IQSEC1: variants seen among roughly 807,000 people sequenced by gnomAD.
The protein encoded by IQSEC1 is IQ motif and SEC7 domain-containing protein 1.
A neutral mutation model predicts 91.0 loss-of-function variants in IQSEC1; 31 were observed. The ratio of observed to expected loss-of-function variants is 0.34; its 90% CI spans 0.26 to 0.46. The LOEUF (loss-of-function observed/expected upper bound fraction) is 0.46. Among genes scored for constraint, IQSEC1 ranks in the 20% least tolerant of loss-of-function variants. The pLI is 1.00. For synonymous variants in IQSEC1, 699 were observed against 662.6 expected (o/e 1.05, Z -0.84); for missense variants, 1,388 against 1,575.6 (o/e 0.88, Z 2.02).
intron 1 of IQSEC1, among the ~76,000 whole-genome samples, chr3:12,952,169 G>A (rs1263993737): frequency 6.6e-6 from 1 of 152,160 alleles, no homozygotes; most frequent in Non-Finnish European, 1.5e-5. Context: ...GAGAAATGAG[G>A]ATATCCAGGA....
At chr3:13,010,764 T>A (rs1401244735) in intron 1 of IQSEC1, among the ~76,000 whole-genome samples, 1 of 152,198 alleles carries the variant, frequency 6.6e-6, no homozygotes, top group Admixed American at 6.5e-5. Flanking sequence ...GGCTCCTTCA[T>A]GCCTGCAGGG....
At chr3:13,163,160 C>T (rs1052027096) in intron 2 of IQSEC1, among the ~76,000 whole-genome samples, 12 of 152,170 alleles carry the variant, frequency 7.9e-5, no homozygotes, top group African/African-American at 2.9e-4. Flanking sequence ...TTCAGCACCC[C>T]CTGTGCTGCC....
intron 1 of IQSEC1, among the ~76,000 whole-genome samples, chr3:13,280,410 C>T (rs1001849557): frequency 1.3e-5 from 2 of 152,224 alleles, no homozygotes; most frequent in Admixed American, 1.3e-4. Flanking sequence ...CCATGGTTTG[C>T]TGAGCAGCCC....
intron 1 of IQSEC1, among the ~76,000 whole-genome samples, chr3:12,989,275 G>A (rs1023900170): frequency 3.3e-5 from 5 of 152,228 alleles, no homozygotes; most frequent in Non-Finnish European, 7.3e-5. Context: ...CATAGTAGGT[G>A]CTCCATAAAT....
At chr3:13,120,493 G>C (rs533994844) in intron 2 of IQSEC1, among the ~76,000 whole-genome samples, 22 of 152,310 alleles carry the variant, frequency 1.4e-4, no homozygotes, top group African/African-American at 4.6e-4. Context: ...TCTGGGCTCC[G>C]TGTACTCCTC....
At chr3:13,084,587 C>T (rs1210822925) in intron 2 of IQSEC1, among the ~76,000 whole-genome samples, 2 of 152,164 alleles carry the variant, frequency 1.3e-5, no homozygotes, top group South Asian at 4.1e-4. Context: ...ACTCTGATGG[C>T]AGAAACAGTG....
At chr3:13,003,379 A>G (rs1163918111) in intron 1 of IQSEC1, among the ~76,000 whole-genome samples, 2 of 151,918 alleles carry the variant, frequency 1.3e-5, no homozygotes, top group East Asian at 3.9e-4. Context: ...AAAGCTAGAC[A>G]CAAAAGGACA....
intron 1 of IQSEC1, among the ~76,000 whole-genome samples, chr3:13,066,657 C>T (rs769883387): frequency 8.5e-5 from 13 of 152,186 alleles, no homozygotes; most frequent in Admixed American, 3.9e-4. Flanking sequence ...GGCCCCAGAG[C>T]GGCTGAGGAG....
intron 2 of IQSEC1, among the ~76,000 whole-genome samples, chr3:13,144,925 G>C (rs1025569488): frequency 6.6e-6 from 1 of 152,236 alleles, no homozygotes; most frequent in Non-Finnish European, 1.5e-5. Flanking sequence ...GCAGGGCTAA[G>C]GCGAGGTCCC....
At chr3:13,155,562 C>T (rs1190745211) in intron 2 of IQSEC1, among the ~76,000 whole-genome samples, 1 of 152,192 alleles carries the variant, frequency 6.6e-6, no homozygotes, top group African/African-American at 2.4e-5. Context: ...GAAGAAATCA[C>T]AACAAACCTT....
intron 1 of IQSEC1, among the ~76,000 whole-genome samples, chr3:12,978,566 C>T (rs577873910): frequency 4.6e-5 from 7 of 151,894 alleles, no homozygotes; most frequent in East Asian, 1.9e-4. Flanking sequence ...ATTAGCCGGG[C>T]GTGGGGCGGG....
At chr3:13,049,228 C>T (rs907925167) in intron 1 of IQSEC1, among the ~76,000 whole-genome samples, 4 of 152,178 alleles carry the variant, frequency 2.6e-5, no homozygotes, top group Non-Finnish European at 4.4e-5. Context: ...CAGCTGCACA[C>T]GAGCCACATG....
At position 13,138,129 on chromosome 3, in the gene IQSEC1, G is replaced by A. The variant is rs79214438; in HGVS notation, c.302+25975C>T. ...GGGGATCATACTGGGGATGACAAAT[G>A]GCTGGCACTCCTCCCACAAGTCTTG... On this transcript the variant is annotated intron_variant, in intron 2 of 15. Transcript: ENST00000648114. Among the ~76,000 whole-genome samples the A allele has an allele frequency of 3.6e-3, 549 of 152,242 alleles. 15 individuals are homozygous for A. In the East Asian group the frequency reaches 0.09, roughly 25 times the overall value.
chr3:13,253,732 T>C (rs1211401390), intron 1 of IQSEC1, among the ~76,000 whole-genome samples: 1 of 152,208 alleles, frequency 6.6e-6, no homozygotes, highest in Non-Finnish European at 1.5e-5. Flanking sequence ...TTACTGCATG[T>C]AGGAGGAGCT....
In IQSEC1 at chr3:12,970,216, C is replaced by T. The variant is rs1278789558; in HGVS notation, c.24-28351G>A. Among the ~76,000 whole-genome samples the T allele has an allele frequency of 6.6e-6, 1 of 152,142 alleles. No homozygotes were observed. Among genetic ancestry groups the T allele is most frequent in the Non-Finnish European group, 1.5e-5 (1 of 68,038 alleles). On this transcript the variant is annotated intron_variant, in intron 1 of 13. Coordinates refer to ENST00000613206, the MANE Select transcript of IQSEC1 (RefSeq NM_001134382.3). The surrounding 1 kb of genome is among the most constrained non-coding windows in gnomAD (Gnocchi z 4.4). ...GAAACACTGCTGTGACAAGTATTCCCCAGTATGGTGTCGTGACAGTGGAGG... is the reference window on the plus strand; with the variant it reads ...GAAACACTGCTGTGACAAGTATTCCTCAGTATGGTGTCGTGACAGTGGAGG...
intron 1 of IQSEC1, among the ~76,000 whole-genome samples, chr3:13,063,379 A>G (rs1266282962): frequency 6.6e-6 from 1 of 152,264 alleles, no homozygotes; most frequent in Non-Finnish European, 1.5e-5. Context: ...TGTCTTCAAA[A>G]TGGCATTTGA....
chr3:13,115,089 G>C (rs185895767), intron 2 of IQSEC1, among the ~76,000 whole-genome samples: 1 of 152,346 alleles, frequency 6.6e-6, no homozygotes, highest in Admixed American at 6.5e-5. Flanking sequence ...TAGAGCCATG[G>C]AATGTGGATT....
At chr3:13,136,397 A>G (rs1272523299) in intron 2 of IQSEC1, among the ~76,000 whole-genome samples, 1 of 152,196 alleles carries the variant, frequency 6.6e-6, no homozygotes, top group Non-Finnish European at 1.5e-5. Context: ...CCCTTAAACG[A>G]GAAACAAAAA....
chr3:12,966,919 C>G (rs915981574), intron 1 of IQSEC1, among the ~76,000 whole-genome samples: 1 of 152,180 alleles, frequency 6.6e-6, no homozygotes, highest in African/African-American at 2.4e-5. Flanking sequence ...AGAGGCCTTC[C>G]TGGCAGCTCC....
Sources: allele counts gnomAD v4.1 joint callset (sites outside exome capture counted in the v4.1 genomes callset), GRCh38; gene constraint gnomAD v4.1.1; non-coding constraint Gnocchi (gnomAD v3.1); transcripts MANE v1.5; gene names NCBI Gene and HGNC (gene_info 2026-07-23, HGNC 2026-07-21).